The following DTNB variants were observed in gnomAD, a reference collection of about 807,000 sequenced individuals.
The protein encoded by DTNB is dystrobrevin beta, also known as DTN-B.
Under a neutral mutation model 90.7 loss-of-function variants are expected in DTNB, and 63 were observed. The ratio of observed to expected loss-of-function variants is 0.69; its 90% CI spans 0.57 to 0.86. DTNB has a LOEUF of 0.86. Ranked by LOEUF, DTNB falls within the 40% of genes least tolerant of loss-of-function variation. DTNB has a pLI of 0.00. For synonymous variants in DTNB, 277 were observed against 286.7 expected, an observed-to-expected ratio of 0.97 and a Z score of 0.34; for missense variants, 744 against 807.1, an observed-to-expected ratio of 0.92 and a Z score of 0.95.
intron 4 of DTNB, among the ~76,000 whole-genome samples, chr2:25,616,649 T>A (rs369664357): frequency 3.0e-5 from 1 of 33,672 alleles, no homozygotes; most frequent in Non-Finnish European, 7.8e-5. Flanking sequence ...AAAAAAAGAC[T>A]TGGCCGGGCG....
intron 1 of DTNB, among the ~76,000 whole-genome samples, chr2:25,653,432 T>A (rs35949685): frequency 0.32 from 44,907 of 138,372 alleles, 7,740 homozygotes; most frequent in Non-Finnish European, 0.4. Flanking sequence ...GTTTTTTTTT[T>A]AAAAAAAAAA....
chr2:25,609,401 C>T (rs1200973961), intron 4 of DTNB, among the ~76,000 whole-genome samples: 1 of 151,980 alleles, frequency 6.6e-6, no homozygotes, highest in African/African-American at 2.4e-5. Flanking sequence ...GAGTTCAAGA[C>T]CAGCCTGACC....
intron 3 of DTNB, among the ~76,000 whole-genome samples, chr2:25,629,360 C>T (rs1419030904): frequency 6.6e-6 from 1 of 152,094 alleles, no homozygotes; most frequent in Non-Finnish European, 1.5e-5. Flanking sequence ...CAAAAGAAGG[C>T]AAGAAACACA....
chr2:25,501,376 C>T (rs989692790), intron 9 of DTNB, among the ~76,000 whole-genome samples: 1 of 152,056 alleles, frequency 6.6e-6, no homozygotes, highest in African/African-American at 2.4e-5. Flanking sequence ...GCCACCATGC[C>T]CAGCTAATTT....
At chr2:25,464,466 AC>A (rs2061469491) in intron 10 of DTNB, among the ~76,000 whole-genome samples, 1 of 152,242 alleles carries the variant, frequency 6.6e-6, no homozygotes, top group African/African-American at 2.4e-5. Flanking sequence ...TTGGGTTATA[AC>A]CCAAAGCATA....
intron 9 of DTNB, among the ~76,000 whole-genome samples, chr2:25,510,039 C>T (rs796369119): frequency 6.6e-6 from 1 of 152,042 alleles, no homozygotes; most frequent in East Asian, 1.9e-4. Flanking sequence ...GCATGAGCCA[C>T]CATGCCCGGC....
At position 25,572,467 on chromosome 2, in the gene DTNB, CA is replaced by C. The variant is rs373866980; in HGVS notation, c.876+4370del. Among the ~76,000 whole-genome samples the C allele has an allele frequency of 3.0e-3, 303 of 102,190 alleles. 2 individuals are homozygous for C. Among genetic ancestry groups the C allele is most frequent in the Admixed American group, 0.014 (138 of 9,794 alleles). The allele number at this position is 102,190 out of a possible 152,430, so 67.0% of individuals were successfully genotyped here. A position where few individuals can be genotyped will look rare whatever the true frequency, so the allele number is the denominator to read the frequency against. The stretch of plus-strand genomic sequence containing the variant: ...GGGCGACAAAGCGAGACTCCATCGC[CA>C]AAAAAAAAAAAAAAACTATCTGCAC... On this transcript the variant is annotated intron_variant, in intron 8 of 20. Coordinates refer to ENST00000406818, the MANE Select transcript of DTNB (RefSeq NM_021907.5).
At chr2:25,412,532 T>C (rs1374955588) in intron 16 of DTNB, among the ~76,000 whole-genome samples, 1 of 152,238 alleles carries the variant, frequency 6.6e-6, no homozygotes, top group Non-Finnish European at 1.5e-5. Flanking sequence ...ACTTTTACTG[T>C]CTAAAGTTAC....
intron 4 of DTNB, among the ~76,000 whole-genome samples, chr2:25,610,544 G>T (rs917856015): frequency 6.6e-6 from 1 of 152,108 alleles, no homozygotes; most frequent in Non-Finnish European, 1.5e-5. Context: ...CATAATTCAT[G>T]AATGAACTTT....
chr2:25,478,693 T>C (rs886819474), intron 10 of DTNB, among the ~76,000 whole-genome samples: 2 of 152,072 alleles, frequency 1.3e-5, no homozygotes, highest in Non-Finnish European at 1.5e-5. Context: ...ATACTCTTCT[T>C]TGGGGGAAAT....
At chr2:25,585,806 T>C (rs573321542) in intron 6 of DTNB, among the ~76,000 whole-genome samples, 2 of 152,312 alleles carry the variant, frequency 1.3e-5, no homozygotes, top group East Asian at 3.9e-4. Flanking sequence ...CTGAGTATAG[T>C]TACAGAGATA....
At chr2:25,628,497 T>A in intron 3 of DTNB, 113 bp from the exon 4 acceptor site, 2 of 1,006,936 alleles carry the variant, frequency 2.0e-6, no homozygotes, top group Non-Finnish European at 2.8e-6. Context: ...AGAAACTCTT[T>A]AGCCAACAAT....
At chr2:25,533,796 T>C (rs536082365) in intron 8 of DTNB, among the ~76,000 whole-genome samples, 1 of 152,236 alleles carries the variant, frequency 6.6e-6, no homozygotes, top group South Asian at 2.1e-4. Context: ...AGCCTGCTGG[T>C]CAGCATCCTT....
chr2:25,463,980 A>T (rs1245287784), intron 10 of DTNB, among the ~76,000 whole-genome samples: 1 of 152,196 alleles, frequency 6.6e-6, no homozygotes, highest in Non-Finnish European at 1.5e-5. Flanking sequence ...ATCTCGGCTC[A>T]CTGCAACCTC....
chr2:25,377,431 G>C lies in DTNB; in HGVS notation c.*152C>G, dbSNP rs2036106839. 1.3e-5 allele frequency: 2 copies of C among 153,032 alleles called. No homozygotes were observed. Among genetic ancestry groups the C allele is most frequent in the African/African-American group, 2.4e-5 (1 of 41,470 alleles). 9.5% of individuals were successfully genotyped at this position (153,032 alleles called of 1,614,324 possible). ...GGCTCCCCTCTCCCTGGCGGGTGGA[G>C]TGACGTCTGGCAGCCTGCAAGCCTG... On this transcript the variant is annotated 3_prime_UTR_variant, in exon 21 of 21. Transcript: ENST00000406818.
chr2:25,565,987 A>G (rs1449106410), intron 8 of DTNB, among the ~76,000 whole-genome samples: 2 of 152,128 alleles, frequency 1.3e-5, no homozygotes, highest in Non-Finnish European at 2.9e-5. Context: ...TGTGGGTGGA[A>G]GCTATAAATA....
intron 10 of DTNB, among the ~76,000 whole-genome samples, chr2:25,467,965 T>C (rs1007069819): frequency 6.6e-5 from 10 of 152,052 alleles, no homozygotes; most frequent in Admixed American, 5.9e-4. Flanking sequence ...GGGCAGGAGT[T>C]GGCACAAGCT....
At chr2:25,592,022 A>G (rs555379261) in intron 6 of DTNB, among the ~76,000 whole-genome samples, 11 of 146,656 alleles carry the variant, frequency 7.5e-5, no homozygotes, top group African/African-American at 2.5e-4. Flanking sequence ...GATTGCACCA[A>G]TGTACTCCAG....
At position 25,652,744 on chromosome 2, in the gene DTNB, C is replaced by G; in HGVS notation, c.-1-83G>C. 2.8e-6 allele frequency: 4 copies of G among 1,426,050 alleles called. No individual in the cohort carries two copies. In the South Asian group the frequency reaches 5.7e-5, roughly 20 times the overall value. 88.3% of individuals were successfully genotyped at this position (1,426,050 alleles called of 1,614,324 possible). ...CTAATCATTCTATTGTGAAGAGGGA[C>G]CGGAAACCAAGTTGCAAATGCACAT... On this transcript the variant is annotated intron_variant, in intron 1 of 20. Transcript: ENST00000406818.
Sources: gnomAD v4.1 joint callset for allele counts (sites outside exome capture counted in the v4.1 genomes callset) on GRCh38, gnomAD v4.1.1 for gene constraint, MANE v1.5 for transcripts, NCBI Gene and HGNC (gene_info 2026-07-23, HGNC 2026-07-21) for gene names.